Variants in SYT1 observed in about 807,000 individuals in gnomAD.
SYT1 encodes synaptotagmin-1.
Under a neutral mutation model 44.8 loss-of-function variants are expected in SYT1, and 8 were observed. The ratio of observed to expected loss-of-function variants is 0.18; its 90% CI spans 0.10 to 0.32. The LOEUF (loss-of-function observed/expected upper bound fraction) is 0.32, where lower values mean the gene tolerates loss of function less well. SYT1 is among the 10% of genes least tolerant of loss of function. The pLI, the probability that SYT1 is intolerant of heterozygous loss-of-function variation, is 1.00. For synonymous variants in SYT1, 154 were observed against 188.8 expected (o/e 0.82, Z 1.51); for missense variants, 286 against 509.3 (o/e 0.56, Z 4.22).
At chr12:79,272,850 G>A (rs1197152928) in intron 4 of SYT1, among the ~76,000 whole-genome samples, 2 of 152,064 alleles carry the variant, frequency 1.3e-5, no homozygotes, top group Non-Finnish European at 2.9e-5. Flanking sequence ...AATAAAAGCA[G>A]AAGAAAATTT....
At chr12:78,948,932 T>C (rs2137285485) in intron 1 of SYT1, among the ~76,000 whole-genome samples, 1 of 148,602 alleles carries the variant, frequency 6.7e-6, no homozygotes, top group Middle Eastern at 3.5e-3. Flanking sequence ...CTCTTTCTTT[T>C]TCTGTAGCAA....
intron 3 of SYT1, among the ~76,000 whole-genome samples, chr12:79,178,249 A>AT (rs1335908658): frequency 2.8e-5 from 2 of 71,570 alleles, no homozygotes; most frequent in Non-Finnish European, 5.7e-5. Context: ...ACATTTTGAG[A>AT]TTTTTTTATT....
chr12:78,936,041 T>A (rs892032791), intron 1 of SYT1, among the ~76,000 whole-genome samples: 2 of 152,128 alleles, frequency 1.3e-5, no homozygotes, highest in South Asian at 4.1e-4. Flanking sequence ...CCTTTGGATA[T>A]AAGATTTTTA....
chr12:79,308,607 A>G (rs1303666389), intron 8 of SYT1, among the ~76,000 whole-genome samples: 1 of 57,208 alleles, frequency 1.7e-5, no homozygotes, highest in Admixed American at 1.8e-4. Context: ...AGAAAGAAAG[A>G]AAGAAAAAGA....
intron 3 of SYT1, among the ~76,000 whole-genome samples, chr12:79,138,451 T>A (rs1422285542): frequency 6.6e-6 from 1 of 152,238 alleles, no homozygotes; most frequent in African/African-American, 2.4e-5. Context: ...CTATTACTAG[T>A]AGTTTATTGG....
chr12:79,046,012 G>T (rs1035346598), intron 2 of SYT1, among the ~76,000 whole-genome samples: 1 of 152,080 alleles, frequency 6.6e-6, no homozygotes, highest in Non-Finnish European at 1.5e-5. Flanking sequence ...AGAAGTGTCC[G>T]TATACTAAAA....
chr12:79,103,291 A>C (rs1476120022), intron 3 of SYT1, among the ~76,000 whole-genome samples: 25 of 152,184 alleles, frequency 1.6e-4, no homozygotes, highest in Admixed American at 1.6e-3. Context: ...CCACTTTTAA[A>C]ATAAATTTTC....
chr12:79,087,989 T>G (rs1877499716), intron 3 of SYT1, among the ~76,000 whole-genome samples: 1 of 152,096 alleles, frequency 6.6e-6, no homozygotes, highest in African/African-American at 2.4e-5. Flanking sequence ...ATTAGTTGAA[T>G]GGGATAACAC....
intron 1 of SYT1, among the ~76,000 whole-genome samples, chr12:78,912,003 G>C (rs1192185260): frequency 6.6e-6 from 1 of 151,862 alleles, no homozygotes; most frequent in African/African-American, 2.4e-5. Flanking sequence ...TGATGACATC[G>C]TGTCTGACTT....
intron 3 of SYT1, among the ~76,000 whole-genome samples, chr12:79,081,647 G>T (rs1196856142): frequency 6.6e-6 from 1 of 152,062 alleles, no homozygotes; most frequent in African/African-American, 2.4e-5. Flanking sequence ...CCAAAGTGCT[G>T]GGCTTACGGG....
At chr12:79,355,366 T>C (rs1302435928) in intron 9 of SYT1, among the ~76,000 whole-genome samples, 1 of 152,242 alleles carries the variant, frequency 6.6e-6, no homozygotes, top group African/African-American at 2.4e-5. Flanking sequence ...TACCTAATTT[T>C]GTATTCATAA....
chr12:78,867,079 T>G (rs981920386), intron 1 of SYT1, among the ~76,000 whole-genome samples: 2 of 150,766 alleles, frequency 1.3e-5, no homozygotes, highest in Admixed American at 1.3e-4. Flanking sequence ...AAAAATAGTG[T>G]CTCTGTTGAA....
At chr12:78,962,327 T>C (rs1426340057) in intron 1 of SYT1, among the ~76,000 whole-genome samples, 1 of 146,314 alleles carries the variant, frequency 6.8e-6, no homozygotes, top group Non-Finnish European at 1.5e-5. Context: ...TCAATAGCAT[T>C]CTTTCTTTTT....
At chr12:79,353,771 C>A in intron 9 of SYT1, 152 bp downstream of exon 9, 1 of 656,076 alleles carries the variant, frequency 1.5e-6, no homozygotes, top group Non-Finnish European at 2.8e-6. Flanking sequence ...CATCCCAACA[C>A]AGTGCCCCAG....
At chr12:78,953,000 A>G (rs182539925) in intron 1 of SYT1, among the ~76,000 whole-genome samples, 56 of 152,242 alleles carry the variant, frequency 3.7e-4, no homozygotes, top group Middle Eastern at 3.4e-3. Context: ...CTCATTTTTT[A>G]GCACTCAATA....
At chr12:79,409,715 G>A (rs995882258) in intron 9 of SYT1, among the ~76,000 whole-genome samples, 3 of 152,036 alleles carry the variant, frequency 2.0e-5, no homozygotes, top group Non-Finnish European at 4.4e-5. Context: ...GACATTCCCT[G>A]TTGATTATCT....
At chr12:79,159,856 A>G (rs1431249368) in intron 3 of SYT1, among the ~76,000 whole-genome samples, 3 of 152,158 alleles carry the variant, frequency 2.0e-5, no homozygotes, top group African/African-American at 7.2e-5. Flanking sequence ...AATTTCTCGG[A>G]GTTAAAATGT....
In SYT1 at chr12:79,450,539, C is replaced by T. The variant is rs1870998222; in HGVS notation, c.*1415C>T. 1 of 152,596 alleles carries T rather than the reference C, an allele frequency of 6.6e-6. No individual in the cohort carries two copies. Among genetic ancestry groups the T allele is most frequent in the South Asian group, 2.1e-4 (1 of 4,834 alleles). The allele number at this position is 152,596 out of a possible 1,614,324, so 9.5% of individuals were successfully genotyped here. Reference sequence around the variant, plus strand: ...AGTAAATGACACTATTATGAAGCTACTAGTCATTCCATAAGAGTCTTAAAG... The same window carrying T: ...AGTAAATGACACTATTATGAAGCTATTAGTCATTCCATAAGAGTCTTAAAG... On this transcript the variant is annotated 3_prime_UTR_variant, in exon 11 of 11. Transcript: ENST00000261205.
intron 3 of SYT1, among the ~76,000 whole-genome samples, chr12:79,081,734 G>T (rs563351919): frequency 6.6e-6 from 1 of 151,982 alleles, no homozygotes; most frequent in Admixed American, 6.6e-5. Flanking sequence ...CTAGTCATTC[G>T]TCCTCATTTC....
Sources: allele counts gnomAD v4.1 joint callset (sites outside exome capture counted in the v4.1 genomes callset), GRCh38; gene constraint gnomAD v4.1.1; transcripts MANE v1.5; gene names NCBI Gene and HGNC (gene_info 2026-07-23, HGNC 2026-07-21).